The following BICRAL variants were observed in gnomAD, a reference collection of about 807,000 sequenced individuals.
The protein encoded by BICRAL is BICRA like chromatin remodeling complex associated protein, also known as BRD4-interacting chromatin-remodeling complex-associated protein-like.
In BICRAL, 8 loss-of-function variants were observed where a neutral mutation model predicts 91.8. That is an observed-to-expected ratio of 0.09 (90% CI 0.05 to 0.16). The LOEUF is 0.16. Ranked by LOEUF, BICRAL falls within the 10% of genes least tolerant of loss-of-function variation. The pLI is 1.00. For missense variants in BICRAL, 1,038 were observed against 1,310.9 expected (o/e 0.79, Z 3.21); for synonymous variants, 445 against 491.1 (o/e 0.91, Z 1.24).
intron 1 of BICRAL, among the ~76,000 whole-genome samples, chr6:42,802,180 G>A (rs1353437340): frequency 5.9e-5 from 9 of 151,324 alleles, no homozygotes; most frequent in Non-Finnish European, 1.3e-4. Flanking sequence ...GCTGAGGTAG[G>A]AGAATCACTT....
At chr6:42,779,692 A>G (rs1298284857), upstream of BICRAL, among the ~76,000 whole-genome samples, 1 of 152,218 alleles carries the variant, frequency 6.6e-6, no homozygotes, top group East Asian at 1.9e-4. Flanking sequence ...TTTTTGAGAC[A>G]GAGTCTTGCT....
upstream of BICRAL, among the ~76,000 whole-genome samples, chr6:42,781,089 C>G (rs1377783169): frequency 2.0e-5 from 3 of 151,704 alleles, no homozygotes; most frequent in Non-Finnish European, 2.9e-5. Context: ...AGAGAAGTTT[C>G]AACAATTTGA....
At position 42,801,839 on chromosome 6, in the gene BICRAL, C is replaced by T. The variant is rs558211943; in HGVS notation, c.-101-8467C>T. Reference sequence around the variant, plus strand: ...CCAAGATTGCAGTGAGCCGAGATCACGCCACTGTACTCCAGCCTGGGTGAC... The same window carrying T: ...CCAAGATTGCAGTGAGCCGAGATCATGCCACTGTACTCCAGCCTGGGTGAC... On this transcript the variant is annotated intron_variant, in intron 1 of 12. Transcript: ENST00000314073. Among the ~76,000 whole-genome samples the T allele has an allele frequency of 1.4e-4, 21 of 151,888 alleles. No individual in the cohort carries two copies. In the South Asian group the frequency reaches 4.4e-3, roughly 32 times the overall value.
intron 1 of BICRAL, among the ~76,000 whole-genome samples, chr6:42,806,011 A>AAC (rs61591770): frequency 0.46 from 68,392 of 150,030 alleles, 16,776 homozygotes; most frequent in African/African-American, 0.65. Flanking sequence ...CAAAAAAAAA[A>AAC]AACGAAGGAA....
intron 2 of BICRAL, among the ~76,000 whole-genome samples, chr6:42,814,497 G>GTGTGTGTGTA (rs1554278817): frequency 1.4e-5 from 1 of 71,740 alleles, no homozygotes; most frequent in African/African-American, 7.0e-5. Context: ...GTGTGTGTGT[G>GTGTGTGTGTA]TGTATATATA....
At chr6:42,787,591 G>A (rs990300137) in intron 1 of BICRAL, among the ~76,000 whole-genome samples, 1 of 152,088 alleles carries the variant, frequency 6.6e-6, no homozygotes, top group Admixed American at 6.6e-5. Flanking sequence ...AAAGGAGACT[G>A]AAAAGGTTCA....
At chr6:42,787,092 A>G (rs1763123599) in intron 1 of BICRAL, among the ~76,000 whole-genome samples, 1 of 152,226 alleles carries the variant, frequency 6.6e-6, no homozygotes, top group South Asian at 2.1e-4. Context: ...TCAGGCAAGT[A>G]AAGTGGCAAT....
chr6:42,789,684 A>G (rs1466221635), intron 1 of BICRAL, among the ~76,000 whole-genome samples: 1 of 152,042 alleles, frequency 6.6e-6, no homozygotes, highest in African/African-American at 2.4e-5. Flanking sequence ...TTTGTGGCAG[A>G]TAGAGGTGTT....
chr6:42,838,000 G>T (rs1764690474), intron 6 of BICRAL, among the ~76,000 whole-genome samples: 1 of 152,148 alleles, frequency 6.6e-6, no homozygotes, highest in Non-Finnish European at 1.5e-5. Context: ...TGCAGTATTT[G>T]CTTTATTGGT....
At chr6:42,843,328 C>T (rs1764867105) in intron 6 of BICRAL, among the ~76,000 whole-genome samples, 1 of 152,056 alleles carries the variant, frequency 6.6e-6, no homozygotes, top group Non-Finnish European at 1.5e-5. Flanking sequence ...ACAGCAAGTG[C>T]AGAGCCTGGA....
intron 1 of BICRAL, among the ~76,000 whole-genome samples, chr6:42,750,456 G>A (rs1181271821): frequency 6.6e-6 from 1 of 151,976 alleles, no homozygotes; most frequent in Non-Finnish European, 1.5e-5. Flanking sequence ...GAGCCCCCAC[G>A]CCTGGCCACT....
chr6:42,781,544 TTG>T (rs1491379749), upstream of BICRAL, among the ~76,000 whole-genome samples: 38 of 149,358 alleles, frequency 2.5e-4, no homozygotes, highest in Middle Eastern at 0.017. Flanking sequence ...TTTTTTTTTT[TTG>T]TCTTTAATCT....
intron 1 of BICRAL, among the ~76,000 whole-genome samples, chr6:42,767,047 A>G (rs1415208221): frequency 1.3e-5 from 2 of 151,872 alleles, no homozygotes; most frequent in Non-Finnish European, 1.5e-5. Context: ...CTCAAAAAAA[A>G]AAAAAAAAGA....
At chr6:42,778,545 AT>A (rs1762834260), upstream of BICRAL, among the ~76,000 whole-genome samples, 1 of 152,344 alleles carries the variant, frequency 6.6e-6, no homozygotes, top group African/African-American at 2.4e-5. Context: ...GTATTTGGAC[AT>A]TCTCTTTAAA....
chr6:42,814,519 A>ATATATATATTTTT (rs1237976324), intron 2 of BICRAL, among the ~76,000 whole-genome samples: 1 of 80,236 alleles, frequency 1.2e-5, no homozygotes, highest in African/African-American at 6.6e-5. Flanking sequence ...ATATATATAT[A>ATATATATATTTTT]TTTTTTTTTT....
intron 1 of BICRAL, among the ~76,000 whole-genome samples, chr6:42,775,322 TG>T (rs1470247207): frequency 2.0e-5 from 3 of 152,208 alleles, no homozygotes; most frequent in Non-Finnish European, 4.4e-5. Context: ...TCCCTTTACA[TG>T]GGTGTTCTAT....
chr6:42,865,508 G>C lies in BICRAL; in HGVS notation c.*62G>C. 2.5e-6 allele frequency: 2 copies of C among 813,188 alleles called. No homozygotes were observed. Among genetic ancestry groups the C allele is most frequent in the Admixed American group, 2.9e-5 (1 of 34,004 alleles). The allele number at this position is 813,188 out of a possible 1,614,324, so 50.4% of individuals were successfully genotyped here. On this transcript the variant is annotated 3_prime_UTR_variant, in exon 13 of 13. Coordinates refer to ENST00000314073, the MANE Select transcript of BICRAL (RefSeq NM_001393499.1). ...CACCCCGAGACCCCACCCCGGACCA[G>C]TTACATTCGTTCCTGGCAAAAGCAA...
chr6:42,868,317 C>G lies in BICRAL; in HGVS notation c.*2871C>G, dbSNP rs1467452342. The G allele has an allele frequency of 6.6e-6, 1 of 151,816 alleles. No individual in the cohort carries two copies. Among genetic ancestry groups the G allele is most frequent in the African/African-American group, 2.4e-5 (1 of 41,230 alleles). 9.4% of individuals were successfully genotyped at this position (151,816 alleles called of 1,614,324 possible). ...GTGTGGGCTTTATTTGCTTAAATAC[C>G]TTCATTTGTATAGTACGTCTCACTT... On this transcript the variant is annotated 3_prime_UTR_variant, in exon 13 of 13. Coordinates refer to ENST00000314073, the MANE Select transcript of BICRAL (RefSeq NM_001393499.1).
intron 1 of BICRAL, among the ~76,000 whole-genome samples, chr6:42,773,274 C>T (rs1241652394): frequency 3.3e-5 from 5 of 151,824 alleles, no homozygotes; most frequent in Admixed American, 1.3e-4. Flanking sequence ...GACAAGGTTT[C>T]GCCATTTTGG....
Sources: allele counts gnomAD v4.1 joint callset (sites outside exome capture counted in the v4.1 genomes callset), GRCh38; gene constraint gnomAD v4.1.1; transcripts MANE v1.5; gene names NCBI Gene and HGNC (gene_info 2026-07-23, HGNC 2026-07-21).